Variants in CPEB4 observed in about 807,000 individuals in gnomAD.
CPEB4 encodes the protein cytoplasmic polyadenylation element binding protein 4, also known as cytoplasmic polyadenylation element-binding protein 4.
In CPEB4, 12 loss-of-function variants were observed where a neutral mutation model predicts 72.5. The observed-to-expected ratio is 0.17, with a 90% confidence interval of 0.11 to 0.27. The LOEUF is 0.27. Ranked by LOEUF, CPEB4 falls within the 10% of genes least tolerant of loss-of-function variation. CPEB4 has a pLI of 1.00. For synonymous variants in CPEB4, 302 were observed against 326.3 expected (o/e 0.93, Z 0.80); for missense variants, 614 against 908.5 (o/e 0.68, Z 4.17).
intron 4 of CPEB4, among the ~76,000 whole-genome samples, chr5:173,944,064 C>G (rs190132242): frequency 6.6e-6 from 1 of 152,238 alleles, no homozygotes; most frequent in East Asian, 1.9e-4. Flanking sequence ...ATTGGCATCT[C>G]TGGTGTTTCC....
intron 1 of CPEB4, among the ~76,000 whole-genome samples, chr5:173,892,020 G>A (rs1365414998): frequency 6.6e-6 from 1 of 151,698 alleles, no homozygotes; most frequent in African/African-American, 2.4e-5. Flanking sequence ...ACATACATGT[G>A]TGCACGTACA....
intron 4 of CPEB4, among the ~76,000 whole-genome samples, chr5:173,943,593 C>T (rs1023309291): frequency 1.4e-4 from 22 of 152,170 alleles, no homozygotes; most frequent in South Asian, 6.2e-4. Context: ...AGAATCATTT[C>T]GTAGAGGTAC....
intron 5 of CPEB4, among the ~76,000 whole-genome samples, chr5:173,948,471 G>T (rs1758109069): frequency 6.6e-6 from 1 of 152,066 alleles, no homozygotes; most frequent in South Asian, 2.1e-4. Context: ...AGAACAGCCT[G>T]GGCAACATAG....
chr5:173,911,386 C>T (rs552721191), intron 2 of CPEB4, among the ~76,000 whole-genome samples: 28 of 152,148 alleles, frequency 1.8e-4, no homozygotes, highest in African/African-American at 6.7e-4. Context: ...CCTCAGCCTC[C>T]CGAGTAGCTG....
In CPEB4 at chr5:173,889,724, A is replaced by C. The variant is rs1755734473; in HGVS notation, c.-10A>C. ...TTTTTATTGTGAGATTCTGCTCCTA[A>C]AGATAATAAATGGGGGATTACGGGT... On this transcript the variant is annotated 5_prime_UTR_variant, in exon 1 of 10. Transcript: ENST00000265085. 6.5e-7 allele frequency: 1 copy of C among 1,550,054 alleles called. No homozygotes were observed. The highest frequency in any genetic ancestry group is 8.7e-7 in the Non-Finnish European group (1 of 1,149,636).
chr5:173,930,400 CA>C (rs907978594), intron 2 of CPEB4, among the ~76,000 whole-genome samples: 2 of 151,704 alleles, frequency 1.3e-5, no homozygotes, highest in African/African-American at 4.8e-5. Flanking sequence ...TTGCTCGTAG[CA>C]TCTCAAGTCT....
At position 173,890,417 on chromosome 5, in the gene CPEB4, T is replaced by C. The variant is rs572364860; in HGVS notation, c.684T>C (p.Pro228=). 5.0e-6 allele frequency: 8 copies of C among 1,613,784 alleles called. No individual in the cohort carries two copies. In the South Asian group the frequency reaches 7.7e-5, roughly 16 times the overall value. ...FGGSFSPQIG[P]LSQHHPHHPH... ...GCAGCTTCTCTCCTCAGATCGGGCC[T>C]CTCTCACAGCACCACCCACATCACC... The change falls in exon 1 of 10, where the codon CCT becomes CCC. Residue 228 remains proline, a synonymous_variant. Coordinates refer to ENST00000265085, the MANE Select transcript of CPEB4 (RefSeq NM_030627.4).
chr5:173,913,912 G>A (rs1234633960), intron 2 of CPEB4, among the ~76,000 whole-genome samples: 1 of 152,194 alleles, frequency 6.6e-6, no homozygotes, highest in East Asian at 1.9e-4. Context: ...ATAGATTTCA[G>A]CGTATTGCCT....
rs1178864467 is a variant in CPEB4, at chr5:173,888,962, C to T, written c.-772C>T. ...GGGGGAGAGGAAGCCGCGGGGAGCC[C>T]AGGAACAGCGACCGCAGCAAGATCT... On this transcript the variant is annotated 5_prime_UTR_variant, in exon 1 of 10. The change creates a premature stop within an existing upstream ORF in the 5' untranslated region. Coordinates refer to ENST00000265085, the MANE Select transcript of CPEB4 (RefSeq NM_030627.4). This position sits in a 1 kb window ranked among gnomAD's most constrained non-coding sequence, Gnocchi z 4.3. 6.4e-6 allele frequency: 1 copy of T among 157,316 alleles called. No homozygotes were observed. The highest frequency in any genetic ancestry group is 6.5e-5 in the Admixed American group (1 of 15,402). 9.7% of individuals were successfully genotyped at this position (157,316 alleles called of 1,614,324 possible). A position where few individuals can be genotyped will look rare whatever the true frequency, so the allele number is the denominator to read the frequency against.
In CPEB4 at chr5:173,891,972, T is replaced by TAA. The variant is rs554397380; in HGVS notation, c.1125+1124_1125+1125dup. Among the ~76,000 whole-genome samples the TAA allele has an allele frequency of 8.5e-3, 1,233 of 144,582 alleles. 5 individuals are homozygous for TAA. Among genetic ancestry groups the TAA allele is most frequent in the Middle Eastern group, 0.014 (4 of 282 alleles). 94.9% of individuals were successfully genotyped at this position (144,582 alleles called of 152,430 possible). Reference sequence around the variant, plus strand: ...GCTGGTCAGAGTACAAATTCTAAGTTAAAAAAAAAAACAAACCCAAGGATT... The same window carrying TAA: ...GCTGGTCAGAGTACAAATTCTAAGTTAAAAAAAAAAAAACAAACCCAAGGATT... On this transcript the variant is annotated intron_variant, in intron 1 of 9. Coordinates refer to ENST00000265085, the MANE Select transcript of CPEB4 (RefSeq NM_030627.4).
Position 173,945,166 on chromosome 5 carries a change from G to A in CPEB4, c.1456+26G>A, listed in dbSNP as rs752169885. 8.8e-6 allele frequency: 14 copies of A among 1,587,026 alleles called. No homozygotes were observed. The East Asian group carries it at 1.1e-4, about 13-fold the overall frequency. The stretch of plus-strand genomic sequence containing the variant: ...GTATGTTTAGAACTGTTTATAGCAC[G>A]GTGCCCAGATGGTGGCACATAGTAG... On this transcript the variant is annotated intron_variant, in intron 5 of 9. Coordinates refer to ENST00000265085, the MANE Select transcript of CPEB4 (RefSeq NM_030627.4).
chr5:173,923,454 T>C (rs539623468), intron 2 of CPEB4, among the ~76,000 whole-genome samples: 20 of 152,286 alleles, frequency 1.3e-4, no homozygotes, highest in African/African-American at 3.6e-4. Flanking sequence ...AAGTTTATCT[T>C]GGTGTTTTTT....
At chr5:173,911,293 C>T (rs1358022052) in intron 2 of CPEB4, among the ~76,000 whole-genome samples, 9 of 147,892 alleles carry the variant, frequency 6.1e-5, no homozygotes, top group South Asian at 4.2e-4. Context: ...TTTTTTGAGA[C>T]GGAGTCTTGC....
intron 6 of CPEB4, 66 bp downstream of exon 6, chr5:173,949,663 A>T: frequency 9.0e-7 from 1 of 1,109,702 alleles, no homozygotes. Context: ...TAGCCTTTTC[A>T]TAAATGTTCA....
At chr5:173,898,961 T>G (rs1045941446) in intron 1 of CPEB4, among the ~76,000 whole-genome samples, 3 of 152,226 alleles carry the variant, frequency 2.0e-5, no homozygotes, top group Admixed American at 1.3e-4. Flanking sequence ...CCACCGCACC[T>G]GGCCTGAACT....
At chr5:173,927,679 A>T (rs1045203600) in intron 2 of CPEB4, among the ~76,000 whole-genome samples, 2 of 152,118 alleles carry the variant, frequency 1.3e-5, no homozygotes, top group African/African-American at 4.8e-5. Flanking sequence ...CGGGAGGCTG[A>T]GGCAGAAGAA....
intron 2 of CPEB4, among the ~76,000 whole-genome samples, chr5:173,919,941 AAGG>A (rs1757014246): frequency 6.6e-6 from 1 of 152,198 alleles, no homozygotes; most frequent in South Asian, 2.1e-4. Flanking sequence ...CAAAACTAAA[AAGG>A]AGGAGAGAGA....
intron 2 of CPEB4, among the ~76,000 whole-genome samples, chr5:173,911,093 CT>C (rs1756640790): frequency 6.6e-6 from 1 of 151,672 alleles, no homozygotes; most frequent in Non-Finnish European, 1.5e-5. Context: ...AAAAAAAATA[CT>C]GTTTCTACAT....
At chr5:173,920,763 G>C (rs1757041649) in intron 2 of CPEB4, among the ~76,000 whole-genome samples, 1 of 152,156 alleles carries the variant, frequency 6.6e-6, no homozygotes. Context: ...GGTTTTTATG[G>C]TGTAATGACT....
Sources: gnomAD v4.1 joint callset for allele counts (sites outside exome capture counted in the v4.1 genomes callset) on GRCh38, gnomAD v4.1.1 for gene constraint, Gnocchi (gnomAD v3.1) non-coding constraint, MANE v1.5 for transcripts, NCBI Gene and HGNC (gene_info 2026-07-23, HGNC 2026-07-21) for gene names.